The following TCF7L2 variants were observed in gnomAD, a reference collection of about 807,000 sequenced individuals.
TCF7L2 encodes the protein transcription factor 7-like 2.
TCF7L2 carries 23 observed loss-of-function variants against 77.9 expected under a neutral mutation model. The ratio of observed to expected loss-of-function variants is 0.30; its 90% CI spans 0.21 to 0.42. The LOEUF (loss-of-function observed/expected upper bound fraction) is 0.42, where lower values mean the gene tolerates loss of function less well. Among genes scored for constraint, TCF7L2 ranks in the 10% least tolerant of loss-of-function variants. The pLI is 1.00. For synonymous variants in TCF7L2, 413 were observed against 340.2 expected, an observed-to-expected ratio of 1.21 and a Z score of -2.36; for missense variants, 654 against 793.1, an observed-to-expected ratio of 0.82 and a Z score of 2.11.
intron 11 of TCF7L2, among the ~76,000 whole-genome samples, chr10:113,154,944 G>C (rs55709867): frequency 0.064 from 9,714 of 151,050 alleles, 1,039 homozygotes; most frequent in African/African-American, 0.22. Context: ...CAGCACTGAA[G>C]CTTTTATGGA....
At chr10:113,156,989 G>A (rs144730554) in intron 11 of TCF7L2, among the ~76,000 whole-genome samples, 110 of 152,340 alleles carry the variant, frequency 7.2e-4, no homozygotes, top group African/African-American at 2.5e-3. Context: ...CCTGGCACCT[G>A]GCATATGCTC....
intron 4 of TCF7L2, among the ~76,000 whole-genome samples, chr10:113,017,296 A>G (rs1169975413): frequency 6.6e-6 from 1 of 152,228 alleles, no homozygotes; most frequent in African/African-American, 2.4e-5. Flanking sequence ...TCTGTGAGCC[A>G]GGAGTGACTG....
At chr10:113,013,406 A>G (rs1401116748) in intron 4 of TCF7L2, among the ~76,000 whole-genome samples, 1 of 152,214 alleles carries the variant, frequency 6.6e-6, no homozygotes, top group Non-Finnish European at 1.5e-5. Flanking sequence ...GGCATGAGCC[A>G]CAGTGCCTGG....
At chr10:113,036,860 T>C (rs1382865358) in intron 4 of TCF7L2, among the ~76,000 whole-genome samples, 4 of 152,132 alleles carry the variant, frequency 2.6e-5, no homozygotes, top group African/African-American at 9.7e-5. Flanking sequence ...CTGTTGTTTT[T>C]GTAGTGGGAT....
intron 5 of TCF7L2, among the ~76,000 whole-genome samples, chr10:113,041,422 A>G (rs1384205322): frequency 6.6e-6 from 1 of 152,218 alleles, no homozygotes; most frequent in Non-Finnish European, 1.5e-5. Flanking sequence ...CCCTCAGGAA[A>G]GGAAACTGAG....
chr10:113,044,005 CA>C lies in TCF7L2; in HGVS notation c.552+3883del, dbSNP rs151109355. Among the ~76,000 whole-genome samples, 427 of 152,274 alleles carry C rather than the reference CA, an allele frequency of 2.8e-3. 1 individual carries two copies. Among genetic ancestry groups the C allele is most frequent in the African/African-American group, 9.7e-3 (404 of 41,562 alleles). ...GTATAGTATGTATCTTACAAAACGG[CA>C]AAAGACTTCAAAAGTTCCTACAATT... On this transcript the variant is annotated intron_variant, in intron 5 of 13. Coordinates refer to ENST00000627217, the MANE Select transcript of TCF7L2 (RefSeq NM_001146274.2).
intron 11 of TCF7L2, among the ~76,000 whole-genome samples, chr10:113,154,611 C>T (rs1187894418): frequency 6.6e-6 from 1 of 152,128 alleles, no homozygotes; most frequent in Non-Finnish European, 1.5e-5. Context: ...CAAAAGAATA[C>T]CGTGTTTGAC....
rs757471424 is a variant in TCF7L2 at position 112,961,768 on chromosome 10, G to A, written c.382-2788G>A. Among the ~76,000 whole-genome samples the A allele has an allele frequency of 5.3e-4, 80 of 150,766 alleles. No individual in the cohort carries two copies. The Middle Eastern group carries it at 0.01, about 19-fold the overall frequency. On this transcript the variant is annotated intron_variant, in intron 3 of 13. Coordinates refer to ENST00000627217, the MANE Select transcript of TCF7L2 (RefSeq NM_001146274.2). Reference sequence around the variant, plus strand: ...ACAGAATAAGCTGCTTGTGCTGGGTGTGTTTGTGAGCTGGGTGAGGTTTTC... The same window carrying A: ...ACAGAATAAGCTGCTTGTGCTGGGTATGTTTGTGAGCTGGGTGAGGTTTTC...
chr10:113,049,196 C>A (rs1225376860), intron 5 of TCF7L2, among the ~76,000 whole-genome samples: 2 of 151,980 alleles, frequency 1.3e-5, no homozygotes, highest in African/African-American at 4.8e-5. Flanking sequence ...TGCCCCCCCG[C>A]CCCCTGACTC....
rs115324629 is a variant in TCF7L2 at position 113,085,541 on chromosome 10, G to A, written c.552+45415G>A. On this transcript the variant is annotated intron_variant, in intron 5 of 13. Coordinates refer to ENST00000627217, the MANE Select transcript of TCF7L2 (RefSeq NM_001146274.2). ...CTAGGTGCTATTCGATTGCATTAGC[G>A]TTTGAATATTACCCAGCTAGTTGTG... Among the ~76,000 whole-genome samples, 1,491 of 152,240 alleles carry A rather than the reference G, an allele frequency of 9.8e-3. 23 individuals are homozygous for A. Among genetic ancestry groups the A allele is most frequent in the African/African-American group, 0.034 (1,399 of 41,538 alleles).
rs149994047 is a variant in TCF7L2, at chr10:113,039,285, C to T, written c.451-740C>T. Among the ~76,000 whole-genome samples, 320 of 152,136 alleles carry T rather than the reference C, an allele frequency of 2.1e-3. 1 individual carries two copies. Among genetic ancestry groups the T allele is most frequent in the Non-Finnish European group, 3.7e-3 (254 of 67,986 alleles). The stretch of plus-strand genomic sequence containing the variant: ...TTTGACAGAAGTAGCTCCCTTGGGC[C>T]GTATATTTATTTCCTAGCTTGGAGG... On this transcript the variant is annotated intron_variant, in intron 4 of 13. Coordinates refer to ENST00000627217, the MANE Select transcript of TCF7L2 (RefSeq NM_001146274.2).
intron 5 of TCF7L2, among the ~76,000 whole-genome samples, chr10:113,090,768 C>G (rs1274367632): frequency 6.6e-6 from 1 of 152,082 alleles, no homozygotes; most frequent in African/African-American, 2.4e-5. Context: ...GCCACCAAGC[C>G]CAGCTAATTT....
intron 4 of TCF7L2, among the ~76,000 whole-genome samples, chr10:113,021,738 A>T (rs1280310491): frequency 6.6e-6 from 1 of 152,190 alleles, no homozygotes; most frequent in South Asian, 2.1e-4. Context: ...TGAACTCTCC[A>T]CGTGTGTGTG....
intron 4 of TCF7L2, among the ~76,000 whole-genome samples, chr10:112,966,299 T>TCTCCACTCCTAA (rs2036893759): frequency 6.6e-6 from 1 of 151,070 alleles, no homozygotes; most frequent in Non-Finnish European, 1.5e-5. Flanking sequence ...ATTTTACCCT[T>TCTCCACTCCTAA]CTCCACTCCT....
intron 5 of TCF7L2, chr10:113,130,071 T>C: frequency 3.1e-6 from 3 of 960,442 alleles, no homozygotes; most frequent in Non-Finnish European, 3.7e-6. Context: ...ATTAAACCTA[T>C]GCTTTTTCCC....
chr10:113,000,460 C>T (rs373934084), intron 4 of TCF7L2, among the ~76,000 whole-genome samples: 10 of 152,078 alleles, frequency 6.6e-5, no homozygotes, highest in African/African-American at 2.2e-4. Flanking sequence ...ATAGTATGGC[C>T]GGTCTTTTTA....
At chr10:113,106,017 G>A (rs985381932) in intron 5 of TCF7L2, among the ~76,000 whole-genome samples, 4 of 152,224 alleles carry the variant, frequency 2.6e-5, no homozygotes, top group African/African-American at 9.7e-5. Context: ...ATAGCAGTAA[G>A]TGGAATGTTA....
At chr10:112,998,165 C>A (rs976711291) in intron 4 of TCF7L2, among the ~76,000 whole-genome samples, 1 of 151,354 alleles carries the variant, frequency 6.6e-6, no homozygotes, top group Non-Finnish European at 1.5e-5. Flanking sequence ...GCTTGAACTC[C>A]TGGCCTCAAG....
At chr10:112,984,628 A>G (rs2041145828) in intron 4 of TCF7L2, among the ~76,000 whole-genome samples, 1 of 152,078 alleles carries the variant, frequency 6.6e-6, no homozygotes, top group Admixed American at 6.6e-5. Flanking sequence ...GAGATGAGGC[A>G]TTTTTCTCTG....
Sources: gnomAD v4.1 joint callset for allele counts (sites outside exome capture counted in the v4.1 genomes callset) on GRCh38, gnomAD v4.1.1 for gene constraint, MANE v1.5 for transcripts, NCBI Gene and HGNC (gene_info 2026-07-23, HGNC 2026-07-21) for gene names.